Variants in ZCCHC14 observed in about 807,000 individuals in gnomAD.
ZCCHC14 encodes the protein zinc finger CCHC domain-containing protein 14.
In ZCCHC14, 16 loss-of-function variants were observed where a neutral mutation model predicts 85.0. That is an observed-to-expected ratio of 0.19 (90% CI 0.13 to 0.29). ZCCHC14 has a LOEUF of 0.29. Among genes scored for constraint, ZCCHC14 ranks in the 10% least tolerant of loss-of-function variants. ZCCHC14 has a pLI of 1.00. For missense variants in ZCCHC14, 1,303 were observed against 1,443.5 expected, an observed-to-expected ratio of 0.90 and a Z score of 1.58; for synonymous variants, 775 against 630.7, an observed-to-expected ratio of 1.23 and a Z score of -3.43.
chr16:87,412,305 T>G lies in ZCCHC14; in HGVS notation c.2416A>C (p.Ile806Leu), dbSNP rs1180780866. The change falls in exon 12 of 13, where the codon ATA becomes CTA. Residue 806 changes from isoleucine to leucine, a missense_variant. By Grantham distance (5) the Ile-to-Leu change is conservative (BLOSUM62 2). Coordinates refer to ENST00000671377, the MANE Select transcript of ZCCHC14 (RefSeq NM_015144.3). ...NNVQISVPPA[I>L]INPRTALYTA... ...TACAGAGCAGTCCGGGGGTTTATTATTGCAGGGGGCACACTTATTTGCACA... is the reference window on the plus strand; with the variant it reads ...TACAGAGCAGTCCGGGGGTTTATTAGTGCAGGGGGCACACTTATTTGCACA... 6.2e-7 allele frequency: 1 copy of G among 1,613,940 alleles called. No individual in the cohort carries two copies. The highest frequency in any genetic ancestry group is 1.1e-5 in the South Asian group (1 of 91,088).
intron 1 of ZCCHC14, among the ~76,000 whole-genome samples, chr16:87,461,167 G>A (rs1302646056): frequency 1.3e-5 from 2 of 152,312 alleles, no homozygotes; most frequent in East Asian, 3.9e-4. Context: ...CACACAACAA[G>A]CGCAGAAACA....
intron 3 of ZCCHC14, among the ~76,000 whole-genome samples, chr16:87,431,075 G>C (rs1191488880): frequency 1.3e-5 from 2 of 152,028 alleles, no homozygotes; most frequent in Non-Finnish European, 1.5e-5. Flanking sequence ...GGAGATCGAG[G>C]CTGTAGTGAA....
intron 1 of ZCCHC14, among the ~76,000 whole-genome samples, chr16:87,484,952 C>T (rs1912446738): frequency 6.6e-6 from 1 of 152,092 alleles, no homozygotes; most frequent in African/African-American, 2.4e-5. Flanking sequence ...AGGGGTGTGA[C>T]CAAACCGGCG....
intron 1 of ZCCHC14, among the ~76,000 whole-genome samples, chr16:87,484,167 G>A (rs184578571): frequency 6.6e-6 from 1 of 152,208 alleles, no homozygotes; most frequent in East Asian, 1.9e-4. Context: ...CTGGGAAGAG[G>A]GTAAGAAACA....
At chr16:87,451,201 TTTTTTTTTTTTTGAGATAGAG>T (rs1429623976) in intron 2 of ZCCHC14, among the ~76,000 whole-genome samples, 1 of 125,602 alleles carries the variant, frequency 8.0e-6, no homozygotes, top group Non-Finnish European at 1.7e-5. Flanking sequence ...CGCCCAGCCT[TTTTTTTTTTTTTGAGATAGAG>T]TTTTTCTCTT....
At position 87,443,249 on chromosome 16, in the gene ZCCHC14, G is replaced by A. The variant is rs373106737; in HGVS notation, c.695-10048C>T. Among the ~76,000 whole-genome samples, 7 of 152,200 alleles carry A rather than the reference G, an allele frequency of 4.6e-5. No homozygotes were observed. In the East Asian group the frequency reaches 7.7e-4, roughly 17 times the overall value. On this transcript the variant is annotated intron_variant, in intron 2 of 12. Coordinates refer to ENST00000671377, the MANE Select transcript of ZCCHC14 (RefSeq NM_015144.3). ...GGTGGTCGGGTTTCCACCTTCCACC[G>A]GCACTGGTAAGTGGGCTCCAGGCAG...
chr16:87,440,574 C>T (rs1910135139), intron 2 of ZCCHC14, among the ~76,000 whole-genome samples: 1 of 152,158 alleles, frequency 6.6e-6, no homozygotes, highest in Non-Finnish European at 1.5e-5. Flanking sequence ...GGCCACATCC[C>T]AGACTATGCA....
chr16:87,421,953 GA>G (rs1354100346), intron 4 of ZCCHC14, among the ~76,000 whole-genome samples: 2 of 152,244 alleles, frequency 1.3e-5, no homozygotes, highest in South Asian at 2.1e-4. Context: ...AATAAAGGGG[GA>G]AAAAACTATT....
intron 2 of ZCCHC14, among the ~76,000 whole-genome samples, chr16:87,450,021 T>C (rs1227858795): frequency 6.6e-6 from 1 of 152,230 alleles, no homozygotes; most frequent in East Asian, 1.9e-4. Flanking sequence ...CACTGCAGCC[T>C]GGGCAACAGA....
At chr16:87,467,193 TA>T in intron 1 of ZCCHC14, 2 of 1,441,398 alleles carry the variant, frequency 1.4e-6, no homozygotes, top group East Asian at 4.6e-5. Context: ...GGGAGAAGAC[TA>T]TTCTTCCTTT....
chr16:87,462,710 A>G (rs1911325992), intron 1 of ZCCHC14, among the ~76,000 whole-genome samples: 1 of 150,898 alleles, frequency 6.6e-6, no homozygotes, highest in African/African-American at 2.4e-5. Flanking sequence ...CCAGCACTCC[A>G]GCCTGGGCGA....
At chr16:87,461,426 G>A (rs934844163) in intron 1 of ZCCHC14, among the ~76,000 whole-genome samples, 1 of 152,208 alleles carries the variant, frequency 6.6e-6, no homozygotes, top group African/African-American at 2.4e-5. Flanking sequence ...AAATTTCGGA[G>A]GATATGAGAG....
In ZCCHC14 at chr16:87,428,079, C is replaced by T. The variant is rs1388578068; in HGVS notation, c.769-4198G>A. ...TCAAAAAGGTTCCATCATTTGATTC[C>T]TGCATATTGGTTTGATTTCCTCAGC... On this transcript the variant is annotated intron_variant, in intron 3 of 12. Transcript: ENST00000671377. Among the ~76,000 whole-genome samples the T allele has an allele frequency of 4.6e-5, 7 of 151,914 alleles. No individual in the cohort carries two copies. The East Asian group carries it at 9.6e-4, about 21-fold the overall frequency.
chr16:87,412,228 G>A lies in ZCCHC14; in HGVS notation c.2493C>T (p.Gly831=), dbSNP rs377421737. Residue 831 remains glycine, a synonymous_variant, in exon 12 of 13, where the codon GGC becomes GGT. Coordinates refer to ENST00000671377, the MANE Select transcript of ZCCHC14 (RefSeq NM_015144.3). ...AFSAMSSMPV[G]PLQGGFCANS... ...TTGCACAGAAGCCACCCTGCAGGGG[G>A]CCCACTGGCATACTGCTCATTGCAG... 14 of 1,612,454 alleles carry A rather than the reference G, an allele frequency of 8.7e-6. No homozygotes were observed. In the African/African-American group the frequency reaches 1.9e-4, roughly 22 times the overall value.
intron 8 of ZCCHC14, among the ~76,000 whole-genome samples, chr16:87,415,575 C>T (rs184116100): frequency 6.6e-6 from 1 of 152,224 alleles, no homozygotes; most frequent in Non-Finnish European, 1.5e-5. Context: ...AGACGCAGTT[C>T]TGAGCAAGAG....
At chr16:87,485,125 CCTCT>C (rs1220499759) in intron 1 of ZCCHC14, among the ~76,000 whole-genome samples, 10 of 152,154 alleles carry the variant, frequency 6.6e-5, no homozygotes, top group Non-Finnish European at 1.5e-4. Context: ...CCACAGTGCC[CCTCT>C]CTAAGGGTGA....
At chr16:87,458,269 T>C (rs971512200) in intron 2 of ZCCHC14, among the ~76,000 whole-genome samples, 2 of 151,926 alleles carry the variant, frequency 1.3e-5, no homozygotes, top group African/African-American at 4.8e-5. Flanking sequence ...TGGGATGGCA[T>C]GGGGGAAGGA....
At chr16:87,442,122 T>C (rs764185474) in intron 2 of ZCCHC14, among the ~76,000 whole-genome samples, 2 of 152,214 alleles carry the variant, frequency 1.3e-5, no homozygotes, top group African/African-American at 2.4e-5. Flanking sequence ...CCCGTGGCGT[T>C]GTGGGTGCGT....
intron 3 of ZCCHC14, among the ~76,000 whole-genome samples, chr16:87,432,797 G>A (rs952521834): frequency 1.3e-5 from 2 of 152,212 alleles, no homozygotes; most frequent in African/African-American, 4.8e-5. Context: ...AGTCTCCAGA[G>A]GCACCACGGC....
Sources: gnomAD v4.1 joint callset for allele counts (sites outside exome capture counted in the v4.1 genomes callset) on GRCh38, gnomAD v4.1.1 for gene constraint, MANE v1.5 for transcripts, NCBI Gene and HGNC (gene_info 2026-07-23, HGNC 2026-07-21) for gene names.